Variants in SMAD7 observed in about 807,000 individuals in gnomAD.
SMAD7 encodes MAD (mothers against decapentaplegic, Drosophila) homolog 7.
A neutral mutation model predicts 38.7 loss-of-function variants in SMAD7; 8 were observed. The observed-to-expected ratio is 0.21, with a 90% CI of 0.12 to 0.37. The LOEUF (loss-of-function observed/expected upper bound fraction) is 0.37. SMAD7 is among the 10% of genes least tolerant of loss of function. The pLI is 1.00. For missense variants in SMAD7, 477 were observed against 577.9 expected (o/e 0.83, Z 1.79); for synonymous variants, 327 against 265.1 (o/e 1.23, Z -2.27).
rs986075114 is a variant in SMAD7 at position 48,947,900 on chromosome 18, C to CA, written c.667+483_667+484insT. On this transcript the variant is annotated intron_variant, in intron 2 of 3. Coordinates refer to ENST00000262158, the MANE Select transcript of SMAD7 (RefSeq NM_005904.4). Reference sequence around the variant, plus strand: ...TGGAGCAGGAGGAACCTACCCCCCCCCCCCTTTTACTGGCTGTTGCCTATA... The same window carrying CA: ...TGGAGCAGGAGGAACCTACCCCCCCCACCCCTTTTACTGGCTGTTGCCTATA... Among the ~76,000 whole-genome samples, 33 of 150,424 alleles carry CA rather than the reference C, an allele frequency of 2.2e-4. 1 individual carries two copies. The highest frequency in any genetic ancestry group is 8.1e-4 in the African/African-American group (33 of 40,940).
intron 3 of SMAD7, among the ~76,000 whole-genome samples, chr18:48,925,752 CT>C (rs36113382): frequency 0.48 from 71,436 of 147,886 alleles, 17,155 homozygotes; most frequent in South Asian, 0.69. Flanking sequence ...AAATGTTTTT[CT>C]TTTTTTTTTT....
intron 3 of SMAD7, among the ~76,000 whole-genome samples, chr18:48,924,094 A>C (rs1457323110): frequency 6.6e-6 from 1 of 152,138 alleles, no homozygotes; most frequent in Non-Finnish European, 1.5e-5. Context: ...GGCACAGCAC[A>C]TCCACCCTTT....
At chr18:48,941,232 C>T (rs922129788) in intron 3 of SMAD7, among the ~76,000 whole-genome samples, 3 of 152,184 alleles carry the variant, frequency 2.0e-5, no homozygotes, top group African/African-American at 7.2e-5. Flanking sequence ...CACCGTACTG[C>T]CTGAAGCCCC....
At chr18:48,924,217 G>T (rs2069898203) in intron 3 of SMAD7, among the ~76,000 whole-genome samples, 1 of 151,590 alleles carries the variant, frequency 6.6e-6, no homozygotes, top group African/African-American at 2.4e-5. Context: ...GAAGGAGGCG[G>T]GAGGGAGGGT....
chr18:48,930,429 T>C (rs1372060972), intron 3 of SMAD7, among the ~76,000 whole-genome samples: 1 of 151,302 alleles, frequency 6.6e-6, no homozygotes, highest in Non-Finnish European at 1.5e-5. Flanking sequence ...AATGAAAGGG[T>C]CCCCCACCCA....
chr18:48,923,539 A>G (rs2069889674), intron 3 of SMAD7, among the ~76,000 whole-genome samples: 1 of 152,140 alleles, frequency 6.6e-6, no homozygotes, highest in South Asian at 2.1e-4. Flanking sequence ...GTAAGGCCAT[A>G]CAAATGTGCA....
chr18:48,921,224 G>C lies in SMAD7; in HGVS notation c.*148C>G, dbSNP rs1027051537. ...GCGAAACAAAACAGAACACAAACGA[G>C]GACGAGAAGAAGAAAACCAACCAAC... On this transcript the variant is annotated 3_prime_UTR_variant, in exon 4 of 4. Transcript: ENST00000262158. This position sits in a 1 kb window ranked among gnomAD's most constrained non-coding sequence, Gnocchi z 6.4. 44 of 666,970 alleles carry C rather than the reference G, an allele frequency of 6.6e-5. No homozygotes were observed. Among genetic ancestry groups the C allele is most frequent in the Non-Finnish European group, 1.1e-4 (42 of 398,692 alleles). 41.3% of individuals were successfully genotyped at this position (666,970 alleles called of 1,614,324 possible). A position where few individuals can be genotyped will look rare whatever the true frequency, so the allele number is the denominator to read the frequency against.
chr18:48,930,660 T>A (rs1319799501), intron 3 of SMAD7, among the ~76,000 whole-genome samples: 2 of 152,056 alleles, frequency 1.3e-5, no homozygotes, highest in African/African-American at 2.4e-5. Flanking sequence ...GCCCCAGGAT[T>A]CGCCCTCAAG....
chr18:48,934,951 C>G (rs1281999269), intron 3 of SMAD7, among the ~76,000 whole-genome samples: 1 of 152,156 alleles, frequency 6.6e-6, no homozygotes, highest in Non-Finnish European at 1.5e-5. Context: ...AATAACTGTC[C>G]TCAACACCGC....
At chr18:48,941,870 C>T (rs2070143806) in intron 3 of SMAD7, among the ~76,000 whole-genome samples, 1 of 152,198 alleles carries the variant, frequency 6.6e-6, no homozygotes, top group Admixed American at 6.5e-5. Flanking sequence ...TTCACGCATA[C>T]CTGTGAGCCC....
chr18:48,930,935 A>C (rs77529760), intron 3 of SMAD7, among the ~76,000 whole-genome samples: 3,278 of 152,300 alleles, frequency 0.022, 114 homozygotes, highest in African/African-American at 0.074. Flanking sequence ...TCAAGCAATA[A>C]ATCAACCAGA....
chr18:48,942,724 C>T (rs1265662254), intron 2 of SMAD7, 169 bp from the exon 3 acceptor site: 10 of 1,493,580 alleles, frequency 6.7e-6, no homozygotes, highest in Admixed American at 2.4e-5. Flanking sequence ...CACTGCCCAT[C>T]GTAAGACAGA....
At position 48,921,262 on chromosome 18, in the gene SMAD7, A is replaced by C; in HGVS notation, c.*110T>G. On this transcript the variant is annotated 3_prime_UTR_variant, in exon 4 of 4. Coordinates refer to ENST00000262158, the MANE Select transcript of SMAD7 (RefSeq NM_005904.4). This position sits in a 1 kb window ranked among gnomAD's most constrained non-coding sequence, Gnocchi z 6.4. ...AAAACCAACCAACAAACAAAAAAAA[A>C]ACGACCAAAGAGTTTGCATGAAAAG... 2 of 1,007,758 alleles carry C rather than the reference A, an allele frequency of 2.0e-6. No homozygotes were observed. The highest frequency in any genetic ancestry group is 1.6e-5 in the African/African-American group (1 of 62,112). The allele number at this position is 1,007,758 out of a possible 1,614,324, so 62.4% of individuals were successfully genotyped here.
chr18:48,944,327 C>T (rs916776015), intron 2 of SMAD7, among the ~76,000 whole-genome samples: 5 of 152,160 alleles, frequency 3.3e-5, no homozygotes, highest in South Asian at 2.1e-4. Flanking sequence ...AAGGAAAAGC[C>T]GGGCATCTCA....
chr18:48,935,397 G>A (rs1369197202), intron 3 of SMAD7, among the ~76,000 whole-genome samples: 1 of 152,224 alleles, frequency 6.6e-6, no homozygotes, highest in African/African-American at 2.4e-5. Flanking sequence ...AGGTGGTAGG[G>A]CCAGTGGTGA....
chr18:48,935,590 C>A (rs2070054904), intron 3 of SMAD7, among the ~76,000 whole-genome samples: 1 of 152,178 alleles, frequency 6.6e-6, no homozygotes, highest in South Asian at 2.1e-4. Flanking sequence ...CTGGCACCAT[C>A]CTGGTTCGCA....
chr18:48,921,866 C>A lies in SMAD7; in HGVS notation c.787G>T (p.Val263Leu). Residue 263 changes from valine (V) to leucine (L), a missense_variant, in exon 4 of 4, where the codon GTG (valine) becomes TTG (leucine). Physicochemically the swap from Val to Leu is conservative, Grantham distance 32. Around this residue, in one of 2 missense-constraint regions of SMAD7, gnomAD observed 376 missense variants for 379.4 expected, o/e 0.99. Transcript: ENST00000262158. This position sits in a 1 kb window ranked among gnomAD's most constrained non-coding sequence, Gnocchi z 6.4. ...LEPGDRSHWC[V>L]VAYWEEKTRV... The stretch of plus-strand genomic sequence containing the variant: ...GTCTTCTCCTCCCAGTATGCCACCA[C>A]GCACCAGTGTGACCGATCCCCAGGC... 6.2e-7 allele frequency: 1 copy of A among 1,612,542 alleles called. No individual in the cohort carries two copies. Among genetic ancestry groups the A allele is most frequent in the Non-Finnish European group, 8.5e-7 (1 of 1,179,856 alleles).
chr18:48,949,639 C>A (rs1271402111), intron 1 of SMAD7, among the ~76,000 whole-genome samples, 173 bp downstream of exon 1: 2 of 151,268 alleles, frequency 1.3e-5, no homozygotes, highest in African/African-American at 4.8e-5. Context: ...CTTTCAGCCC[C>A]CAGTCTCTTC....
At chr18:48,933,300 C>CA (rs1439458248) in intron 3 of SMAD7, among the ~76,000 whole-genome samples, 1 of 152,162 alleles carries the variant, frequency 6.6e-6, no homozygotes, top group Admixed American at 6.5e-5. Context: ...CTCTGTCCTA[C>CA]AGAAGCTGCC....
Sources: allele counts gnomAD v4.1 joint callset (sites outside exome capture counted in the v4.1 genomes callset), GRCh38; gene constraint gnomAD v4.1.1; regional missense constraint gnomAD v4.1.1; non-coding constraint Gnocchi (gnomAD v3.1); transcripts MANE v1.5; gene names NCBI Gene and HGNC (gene_info 2026-07-23, HGNC 2026-07-21).